PTPRT: variants seen among roughly 807,000 people sequenced by gnomAD.
PTPRT encodes the protein receptor-type tyrosine-protein phosphatase T.
Under a neutral mutation model 176.8 loss-of-function variants are expected in PTPRT, and 56 were observed. The ratio of observed to expected loss-of-function variants is 0.32; its 90% CI spans 0.26 to 0.40. The LOEUF is 0.40. Ranked by LOEUF, PTPRT falls within the 10% of genes least tolerant of loss-of-function variation. The probability of loss-of-function intolerance (pLI) is 1.00; values close to 1 mark genes in which losing one functional copy is unlikely to be tolerated. For missense variants in PTPRT, 1,540 were observed against 1,908.2 expected (o/e 0.81, Z 3.60); for synonymous variants, 783 against 739.0 (o/e 1.06, Z -0.96).
intron 1 of PTPRT, among the ~76,000 whole-genome samples, chr20:43,140,105 A>G (rs1294802186): frequency 6.6e-6 from 1 of 152,198 alleles, no homozygotes. Context: ...GTGATAATTT[A>G]TGCAAAAAAC....
intron 7 of PTPRT, among the ~76,000 whole-genome samples, chr20:42,486,533 T>C (rs2071467212): frequency 6.6e-6 from 1 of 152,218 alleles, no homozygotes; most frequent in African/African-American, 2.4e-5. Flanking sequence ...ACATACCTCC[T>C]ACATTTCTTG....
chr20:42,185,925 G>A (rs1205246213), intron 16 of PTPRT, among the ~76,000 whole-genome samples: 2 of 152,022 alleles, frequency 1.3e-5, no homozygotes, highest in Non-Finnish European at 2.9e-5. Context: ...CAAAAACATG[G>A]TCCTCCTTTC....
In PTPRT at chr20:42,352,270, C is replaced by T. The variant is rs1053460329; in HGVS notation, c.1576G>A (p.Val526Ile). The change falls in exon 10 of 31, where the codon GTC (valine) becomes ATC (isoleucine). Residue 526 changes from valine to isoleucine, a missense_variant. Val to Ile is a conservative substitution (Grantham distance 29, BLOSUM62 3). Transcript: ENST00000373187. ...TCAGCACTTGGGTCCAGCGAGCCGA[C>T]AGCCTTGTAGTTGATCTGTAGGACA... ...ITLYEINYKA[V>I]GSLDPSADLS... 1.2e-6 allele frequency: 2 copies of T among 1,614,150 alleles called. No homozygotes were observed. The highest frequency in any genetic ancestry group is 1.7e-6 in the Non-Finnish European group (2 of 1,180,022).
At chr20:42,535,893 G>T (rs933332207) in intron 7 of PTPRT, among the ~76,000 whole-genome samples, 10 of 152,132 alleles carry the variant, frequency 6.6e-5, no homozygotes, top group South Asian at 2.1e-4. Flanking sequence ...CACAAAGATT[G>T]CAGGTACTGC....
chr20:42,647,917 C>A (rs1000232120), intron 7 of PTPRT, among the ~76,000 whole-genome samples: 2 of 152,150 alleles, frequency 1.3e-5, no homozygotes, highest in African/African-American at 2.4e-5. Context: ...TAAGTAATAA[C>A]AAAGTCAGGA....
chr20:42,678,225 A>T (rs2146070437), intron 6 of PTPRT, 66 bp from the exon 7 acceptor site: 1 of 1,475,900 alleles, frequency 6.8e-7, no homozygotes, highest in Non-Finnish European at 9.2e-7. Flanking sequence ...CTACAAGCAC[A>T]TGACGACAAG....
chr20:42,780,160 C>G lies in PTPRT; in HGVS notation c.568+58G>C. 6 of 1,361,916 alleles carry G rather than the reference C, an allele frequency of 4.4e-6. No individual in the cohort carries two copies. The Middle Eastern group carries it at 8.9e-4, about 202-fold the overall frequency. The allele number at this position is 1,361,916 out of a possible 1,614,324, so 84.4% of individuals were successfully genotyped here. On this transcript the variant is annotated intron_variant, in intron 4 of 30. Transcript: ENST00000373187. ...GAATGAATGGAAGGGATTGCAGGCT[C>G]TATGCTACCCAGTCTGGCATGGATC... is the stretch of plus-strand genomic sequence containing the variant.
chr20:43,004,750 A>G (rs1010412059), intron 1 of PTPRT, among the ~76,000 whole-genome samples: 2 of 152,198 alleles, frequency 1.3e-5, no homozygotes, highest in Admixed American at 1.3e-4. Context: ...TTTTTCATCT[A>G]TTGCTATTTG....
At position 43,163,786 on chromosome 20, in the gene PTPRT, A is replaced by G. The variant is rs80165795; in HGVS notation, c.88+25860T>C. On this transcript the variant is annotated intron_variant, in intron 1 of 30. Transcript: ENST00000373187. ...CCAAAGATATATACACCGACAGCACATCTATCTCATGTGTGTGTCTTTGTG... is the reference window on the plus strand; with the variant it reads ...CCAAAGATATATACACCGACAGCACGTCTATCTCATGTGTGTGTCTTTGTG... Among the ~76,000 whole-genome samples the G allele has an allele frequency of 6.5e-3, 993 of 152,352 alleles. 3 individuals carry two copies. The highest frequency in any genetic ancestry group is 0.012 in the Non-Finnish European group (810 of 68,024).
At chr20:42,302,040 T>C (rs1412789988) in intron 12 of PTPRT, among the ~76,000 whole-genome samples, 1 of 152,206 alleles carries the variant, frequency 6.6e-6, no homozygotes, top group Non-Finnish European at 1.5e-5. Context: ...CATTCAAATT[T>C]TGTTTTTCCC....
chr20:42,681,424 G>A (rs1192616564), intron 6 of PTPRT, among the ~76,000 whole-genome samples: 2 of 152,164 alleles, frequency 1.3e-5, no homozygotes, highest in Non-Finnish European at 2.9e-5. Flanking sequence ...GACCCAATCT[G>A]GTCTAGAGGT....
chr20:42,205,957 T>A (rs1456519002), intron 15 of PTPRT, among the ~76,000 whole-genome samples: 3 of 152,112 alleles, frequency 2.0e-5, no homozygotes, highest in Admixed American at 2.0e-4. Context: ...AACTATAGCA[T>A]CTTCTCATTT....
At chr20:42,561,358 G>A (rs930883290) in intron 7 of PTPRT, among the ~76,000 whole-genome samples, 1 of 152,212 alleles carries the variant, frequency 6.6e-6, no homozygotes, top group Non-Finnish European at 1.5e-5. Context: ...AAGGCAGCAG[G>A]GAGGTGTGTT....
chr20:42,634,798 G>C (rs890534838), intron 7 of PTPRT, among the ~76,000 whole-genome samples: 1 of 152,098 alleles, frequency 6.6e-6, no homozygotes. Context: ...CACATGCAAC[G>C]CAGTCTGCTT....
At chr20:42,112,902 G>A (rs1048239167) in intron 22 of PTPRT, among the ~76,000 whole-genome samples, 8 of 152,148 alleles carry the variant, frequency 5.3e-5, no homozygotes, top group Non-Finnish European at 1.2e-4. Context: ...AAGAATACTT[G>A]GACTTTTTTC....
chr20:42,717,979 G>A (rs1240072285), intron 6 of PTPRT, among the ~76,000 whole-genome samples: 2 of 152,206 alleles, frequency 1.3e-5, no homozygotes, highest in Non-Finnish European at 2.9e-5. Context: ...ATACCTACCA[G>A]AATGGCTAAT....
At chr20:42,473,235 G>T (rs1014023275) in intron 7 of PTPRT, among the ~76,000 whole-genome samples, 2 of 152,152 alleles carry the variant, frequency 1.3e-5, no homozygotes, top group East Asian at 3.9e-4. Flanking sequence ...AAGCTAATCT[G>T]AGCATGCCTT....
chr20:42,498,564 G>T (rs148655238), intron 7 of PTPRT, among the ~76,000 whole-genome samples: 1 of 152,030 alleles, frequency 6.6e-6, no homozygotes, highest in Non-Finnish European at 1.5e-5. Flanking sequence ...CTCTTGCGGG[G>T]GAAGTTATAT....
intron 1 of PTPRT, among the ~76,000 whole-genome samples, chr20:43,143,325 C>T (rs970338272): frequency 6.6e-6 from 1 of 152,200 alleles, no homozygotes; most frequent in Admixed American, 6.5e-5. Context: ...TTCAACAGCT[C>T]ACTGGCTCTA....
Sources: gnomAD v4.1 joint callset for allele counts (sites outside exome capture counted in the v4.1 genomes callset) on GRCh38, gnomAD v4.1.1 for gene constraint, MANE v1.5 for transcripts, NCBI Gene and HGNC (gene_info 2026-07-23, HGNC 2026-07-21) for gene names.